DAB1: variants seen among roughly 807,000 people sequenced by gnomAD.
DAB1 encodes the protein DAB adaptor protein 1.
A neutral mutation model predicts 64.6 loss-of-function variants in DAB1; 15 were observed. That is an observed-to-expected ratio of 0.23 (90% CI 0.16 to 0.36). DAB1 has a LOEUF of 0.36. Ranked by LOEUF, DAB1 falls within the 10% of genes least tolerant of loss-of-function variation. The probability of loss-of-function intolerance (pLI) is 1.00; values close to 1 mark genes in which losing one functional copy is unlikely to be tolerated. For synonymous variants in DAB1, 235 were observed against 251.9 expected, an observed-to-expected ratio of 0.93 and a Z score of 0.64; for missense variants, 596 against 706.7, an observed-to-expected ratio of 0.84 and a Z score of 1.78.
intron 6 of DAB1, among the ~76,000 whole-genome samples, chr1:57,756,927 T>C (rs964624961): frequency 1.3e-5 from 2 of 151,990 alleles, no homozygotes; most frequent in African/African-American, 4.8e-5. Context: ...GGAAAATAGA[T>C]TGGAAAGAGA....
intron 2 of DAB1, among the ~76,000 whole-genome samples, chr1:57,286,562 C>T (rs1184737974): frequency 6.6e-6 from 1 of 152,024 alleles, no homozygotes; most frequent in Non-Finnish European, 1.5e-5. Flanking sequence ...GTTACTTTGT[C>T]CTTTCTAATT....
intron 5 of DAB1, among the ~76,000 whole-genome samples, chr1:58,145,258 G>T (rs539180782): frequency 6.6e-6 from 1 of 152,164 alleles, no homozygotes; most frequent in South Asian, 2.1e-4. Flanking sequence ...GACTTTTTTG[G>T]GGCAATGCCT....
chr1:58,232,704 T>A (rs1659838456), intron 4 of DAB1, among the ~76,000 whole-genome samples: 1 of 152,098 alleles, frequency 6.6e-6, no homozygotes, highest in Non-Finnish European at 1.5e-5. Context: ...GATGGTGATG[T>A]TTGAGTGGAG....
intron 3 of DAB1, among the ~76,000 whole-genome samples, chr1:58,423,083 G>A (rs371949028): frequency 5.8e-4 from 88 of 152,198 alleles, no homozygotes; most frequent in African/African-American, 1.9e-3. Context: ...TCCCTGTTCC[G>A]AGGCAAATAA....
chr1:58,109,934 T>C (rs180756383), intron 5 of DAB1, among the ~76,000 whole-genome samples: 1 of 152,338 alleles, frequency 6.6e-6, no homozygotes, highest in East Asian at 1.9e-4. Flanking sequence ...TACACTGTGA[T>C]ATGTGATATG....
rs192059093 is a variant in DAB1, at chr1:57,377,087, T to C, written c.-137+46843A>G. Among the ~76,000 whole-genome samples, 6 of 152,162 alleles carry C rather than the reference T, an allele frequency of 3.9e-5. No homozygotes were observed. The East Asian group carries it at 5.8e-4, about 15-fold the overall frequency. On this transcript the variant is annotated intron_variant, in intron 1 of 14. Transcript: ENST00000371236. ...GAATTTGAGACCAGCCTGGCCAACA[T>C]GGTGAAACCCCATCTCTACTAAAAA...
chr1:58,476,370 T>C (rs1238808010), intron 3 of DAB1, among the ~76,000 whole-genome samples: 1 of 152,106 alleles, frequency 6.6e-6, no homozygotes, highest in Non-Finnish European at 1.5e-5. Flanking sequence ...TGCTCTGCAG[T>C]CTCCTAAACA....
chr1:57,522,813 C>G (rs969880444), intron 7 of DAB1, among the ~76,000 whole-genome samples: 1 of 152,186 alleles, frequency 6.6e-6, no homozygotes, highest in South Asian at 2.1e-4. Flanking sequence ...TAGAATAAAG[C>G]AGGCAGAAGA....
chr1:57,839,723 A>T (rs1163850385), intron 1 of DAB1, among the ~76,000 whole-genome samples: 2 of 152,180 alleles, frequency 1.3e-5, no homozygotes, highest in South Asian at 4.1e-4. Context: ...TAGGAAATGC[A>T]TTATCATTCT....
At chr1:58,096,200 AT>A (rs1262007079) in intron 5 of DAB1, among the ~76,000 whole-genome samples, 1 of 152,236 alleles carries the variant, frequency 6.6e-6, no homozygotes, top group Admixed American at 6.5e-5. Flanking sequence ...AACTACTAAG[AT>A]TTAAAAATAA....
intron 1 of DAB1, among the ~76,000 whole-genome samples, chr1:57,400,485 A>G (rs1683156683): frequency 6.6e-6 from 1 of 151,818 alleles, no homozygotes; most frequent in South Asian, 2.1e-4. Context: ...CACTAATACA[A>G]CCATGGTGGA....
intron 5 of DAB1, among the ~76,000 whole-genome samples, chr1:57,999,407 T>C (rs1208697750): frequency 6.6e-6 from 1 of 152,130 alleles, no homozygotes; most frequent in African/African-American, 2.4e-5. Flanking sequence ...AGGGGTAGGA[T>C]CAGCACTTTG....
At chr1:58,358,262 T>C (rs1252042483) in intron 3 of DAB1, among the ~76,000 whole-genome samples, 3 of 152,160 alleles carry the variant, frequency 2.0e-5, no homozygotes, top group Non-Finnish European at 4.4e-5. Flanking sequence ...AATTCACCCA[T>C]TGTCCAAATG....
At chr1:57,222,284 A>G (rs1666940264) in intron 2 of DAB1, among the ~76,000 whole-genome samples, 1 of 152,112 alleles carries the variant, frequency 6.6e-6, no homozygotes, top group African/African-American at 2.4e-5. Context: ...TGAACAGAAA[A>G]TACATTTACA....
chr1:57,718,145 G>A (rs2101754343), intron 6 of DAB1, among the ~76,000 whole-genome samples: 1 of 152,228 alleles, frequency 6.6e-6, no homozygotes, highest in Non-Finnish European at 1.5e-5. Flanking sequence ...TTAGCTAGAA[G>A]AGAAGATTTT....
intron 4 of DAB1, among the ~76,000 whole-genome samples, chr1:58,300,602 AAGAAAGAAAGAGAGAG>A (rs1196135893): frequency 9.2e-4 from 36 of 39,308 alleles, no homozygotes; most frequent in African/African-American, 1.2e-3. Context: ...GAAAGAAAGA[AAGAAAGAAAGAGAGAG>A]AGAGAGAGAG....
chr1:57,986,519 G>T (rs1646222841), intron 5 of DAB1, among the ~76,000 whole-genome samples: 1 of 152,100 alleles, frequency 6.6e-6, no homozygotes, highest in East Asian at 1.9e-4. Flanking sequence ...CCAGTCTATG[G>T]TATTTTATGA....
chr1:57,170,410 G>C (rs1238274993), intron 2 of DAB1, among the ~76,000 whole-genome samples: 1 of 152,130 alleles, frequency 6.6e-6, no homozygotes, highest in African/African-American at 2.4e-5. Context: ...CACATAATAA[G>C]TGTTTAATAA....
intron 4 of DAB1, among the ~76,000 whole-genome samples, chr1:58,282,885 A>G (rs1274030747): frequency 1.3e-5 from 2 of 152,208 alleles, no homozygotes; most frequent in Non-Finnish European, 2.9e-5. Flanking sequence ...AGTATAGACT[A>G]AAAGCGATCC....
Sources: allele counts gnomAD v4.1 joint callset (sites outside exome capture counted in the v4.1 genomes callset), GRCh38; gene constraint gnomAD v4.1.1; transcripts MANE v1.5; gene names NCBI Gene and HGNC (gene_info 2026-07-23, HGNC 2026-07-21).